The following SIPA1L2 variants were observed in gnomAD, a reference collection of about 807,000 sequenced individuals.
SIPA1L2 encodes the protein signal-induced proliferation-associated 1-like protein 2.
Under a neutral mutation model 163.9 loss-of-function variants are expected in SIPA1L2, and 56 were observed. The ratio of observed to expected loss-of-function variants is 0.34; its 90% confidence interval spans 0.28 to 0.43. SIPA1L2 has a LOEUF of 0.43. SIPA1L2 is among the 20% of genes least tolerant of loss of function. SIPA1L2 has a pLI of 1.00. For synonymous variants in SIPA1L2, 877 were observed against 865.7 expected, an observed-to-expected ratio of 1.01 and a Z score of -0.23; for missense variants, 1,974 against 2,193.5, an observed-to-expected ratio of 0.90 and a Z score of 2.00.
At chr1:232,562,314 A>G (rs789657) in intron 2 of SIPA1L2, among the ~76,000 whole-genome samples, 59,141 of 152,074 alleles carry the variant, frequency 0.39, 12,647 homozygotes, top group East Asian at 0.57. Flanking sequence ...AGATAACTTA[A>G]AGTCTATCCC....
At chr1:232,525,590 C>A (rs1461586975) in intron 2 of SIPA1L2, among the ~76,000 whole-genome samples, 1 of 151,966 alleles carries the variant, frequency 6.6e-6, no homozygotes, top group East Asian at 1.9e-4. Flanking sequence ...TTTTCACAGG[C>A]CTTACACCCC....
chr1:232,466,389 T>C (rs188733414), intron 8 of SIPA1L2, among the ~76,000 whole-genome samples: 12 of 152,322 alleles, frequency 7.9e-5, no homozygotes, highest in Admixed American at 7.2e-4. Flanking sequence ...ATAACGAGCA[T>C]TGTAATCTAT....
At chr1:232,500,009 G>A (rs998132780) in intron 3 of SIPA1L2, among the ~76,000 whole-genome samples, 10 of 151,566 alleles carry the variant, frequency 6.6e-5, no homozygotes, top group African/African-American at 2.2e-4. Flanking sequence ...ACGGAGTCTC[G>A]CTCTGTTGCC....
In SIPA1L2 at chr1:232,471,445, G is replaced by C; in HGVS notation, c.2169C>G (p.Ser723Arg). The change falls in exon 8 of 23, where the codon AGC becomes AGG. Residue 723 changes from serine to arginine, a missense_variant. By Grantham distance (110) the Ser-to-Arg change is moderately radical (BLOSUM62 -1). Transcript: ENST00000674635. ...AGACATGCTGAAAGTGAGACCGGATGCTTTTTGGAGTAAAAGGAAGTGCCC... is the reference window on the plus strand; with the variant it reads ...AGACATGCTGAAAGTGAGACCGGATCCTTTTTGGAGTAAAAGGAAGTGCCC... ...EPGALPFTPK[S>R]IRSHFQHVFV... is the part of the protein sequence containing the mutation. 1 of 1,614,108 alleles carries C rather than the reference G, an allele frequency of 6.2e-7. No homozygotes were observed. The highest frequency in any genetic ancestry group is 1.1e-5 in the South Asian group (1 of 91,080).
intron 3 of SIPA1L2, among the ~76,000 whole-genome samples, chr1:232,513,475 G>A (rs1448782592): frequency 6.6e-6 from 1 of 152,164 alleles, no homozygotes; most frequent in African/African-American, 2.4e-5. Context: ...ATTTTCCACT[G>A]TAAGCAGCAT....
At chr1:232,470,183 A>G (rs1018050746) in intron 8 of SIPA1L2, among the ~76,000 whole-genome samples, 7 of 152,190 alleles carry the variant, frequency 4.6e-5, no homozygotes, top group African/African-American at 1.7e-4. Context: ...TCATTTGTAT[A>G]GAGTAGATAC....
At chr1:232,563,955 T>TTTTTGTGTGTGTG (rs1558270699) in intron 2 of SIPA1L2, among the ~76,000 whole-genome samples, 12 of 116,700 alleles carry the variant, frequency 1.0e-4, no homozygotes, top group African/African-American at 4.8e-4. Context: ...TTTTTTTTTT[T>TTTTTGTGTGTGTG]CGTGTGTGTG....
At chr1:232,428,656 C>G in intron 16 of SIPA1L2, 92 bp from the exon 17 acceptor site, 1 of 872,450 alleles carries the variant, frequency 1.1e-6, no homozygotes, top group Non-Finnish European at 1.6e-6. Context: ...TCAACAGCCA[C>G]AAACGCATAC....
At chr1:232,405,017 A>C (rs1572848189) in intron 19 of SIPA1L2, among the ~76,000 whole-genome samples, 1 of 151,892 alleles carries the variant, frequency 6.6e-6, no homozygotes, top group South Asian at 2.1e-4. Flanking sequence ...AATTTACCCC[A>C]CTCTGCCTCC....
In SIPA1L2 at chr1:232,498,397, A is replaced by G. The variant is rs116047081; in HGVS notation, c.1484-4737T>C. ...TATAAAACTGAGAACTTATATATCT[A>G]TTGGAACTTACATGGCAAGAGACCT... On this transcript the variant is annotated intron_variant, in intron 3 of 22. Coordinates refer to ENST00000674635, the MANE Select transcript of SIPA1L2 (RefSeq NM_020808.5). 2.1e-3 allele frequency among the ~76,000 whole-genome samples: 324 copies of G among 152,328 alleles called. 1 individual carries two copies. Among genetic ancestry groups the G allele is most frequent in the African/African-American group, 7.4e-3 (308 of 41,576 alleles).
chr1:232,579,913 C>A (rs919574237), intron 1 of SIPA1L2, among the ~76,000 whole-genome samples: 1 of 152,060 alleles, frequency 6.6e-6, no homozygotes, highest in South Asian at 2.1e-4. Context: ...AAAGGGATCC[C>A]GATCCAGACC....
At chr1:232,539,733 C>T (rs1657528818) in intron 2 of SIPA1L2, among the ~76,000 whole-genome samples, 1 of 152,212 alleles carries the variant, frequency 6.6e-6, no homozygotes, top group African/African-American at 2.4e-5. Flanking sequence ...GGGATCCCAG[C>T]TGCACCCTGT....
At chr1:232,568,227 CT>C (rs1279359474) in intron 2 of SIPA1L2, among the ~76,000 whole-genome samples, 1 of 152,216 alleles carries the variant, frequency 6.6e-6, no homozygotes, top group African/African-American at 2.4e-5. Context: ...CCACCTGGAG[CT>C]TGAGACTGGC....
intron 9 of SIPA1L2, 23 bp downstream of exon 9, chr1:232,464,817 G>T (rs1168038855): frequency 6.5e-7 from 1 of 1,534,170 alleles, no homozygotes; most frequent in East Asian, 2.3e-5. Flanking sequence ...AGGATGGCGG[G>T]AAAATAGAAA....
intron 1 of SIPA1L2, among the ~76,000 whole-genome samples, chr1:232,574,954 C>G (rs142386010): frequency 6.6e-6 from 1 of 152,330 alleles, no homozygotes. Flanking sequence ...AGGAAACTGG[C>G]ACTCAAGAGA....
intron 1 of SIPA1L2, among the ~76,000 whole-genome samples, chr1:232,609,528 T>C (rs1662131542): frequency 6.6e-6 from 1 of 152,082 alleles, no homozygotes; most frequent in Non-Finnish European, 1.5e-5. Context: ...AGATAAATTA[T>C]CAAGCAAGAA....
At chr1:232,492,790 T>C (rs539501560) in intron 4 of SIPA1L2, among the ~76,000 whole-genome samples, 188 of 152,286 alleles carry the variant, frequency 1.2e-3, no homozygotes, top group Non-Finnish European at 2.1e-3. Context: ...AACCTGTTGT[T>C]GATTTTACAG....
chr1:232,597,708 A>G (rs976309757), intron 1 of SIPA1L2, among the ~76,000 whole-genome samples: 4 of 149,380 alleles, frequency 2.7e-5, no homozygotes, highest in East Asian at 2.0e-4. Flanking sequence ...AAAAAAAAAA[A>G]AAAAAAAGTA....
chr1:232,609,000 G>A (rs201400094), intron 1 of SIPA1L2, among the ~76,000 whole-genome samples: 29 of 149,100 alleles, frequency 1.9e-4, no homozygotes, highest in Non-Finnish European at 1.6e-4. Flanking sequence ...TGTGAAAAAA[G>A]AAAAAAAAAA....
Sources: gnomAD v4.1 joint callset for allele counts (sites outside exome capture counted in the v4.1 genomes callset) on GRCh38, gnomAD v4.1.1 for gene constraint, MANE v1.5 for transcripts, NCBI Gene and HGNC (gene_info 2026-07-23, HGNC 2026-07-21) for gene names.